Variants in ASIC2 observed in about 807,000 individuals in gnomAD.
ASIC2 encodes the protein acid-sensing ion channel 2.
In ASIC2, 25 loss-of-function variants were observed where a neutral mutation model predicts 57.3. That is an observed-to-expected ratio of 0.44 (90% CI 0.32 to 0.61). The LOEUF is 0.61. Ranked by LOEUF, ASIC2 falls within the 20% of genes least tolerant of loss-of-function variation. The pLI, the probability that ASIC2 is intolerant of heterozygous loss-of-function variation, is 0.06. For synonymous variants in ASIC2, 319 were observed against 307.5 expected (o/e 1.04, Z -0.39); for missense variants, 641 against 738.1 (o/e 0.87, Z 1.52).
intron 1 of ASIC2, among the ~76,000 whole-genome samples, chr17:33,161,857 GTTTTTTTT>G (rs199823485): frequency 4.2e-5 from 4 of 94,226 alleles, no homozygotes; most frequent in Non-Finnish European, 6.2e-5. Flanking sequence ...GAATTCCTAG[GTTTTTTTT>G]TTTTTTTTTT....
At chr17:33,455,169 G>A (rs1912405273) in intron 1 of ASIC2, among the ~76,000 whole-genome samples, 2 of 152,084 alleles carry the variant, frequency 1.3e-5, no homozygotes. Context: ...TTATAATTGT[G>A]TAATTTATTA....
At chr17:33,044,647 C>T (rs2091944730) in intron 3 of ASIC2, among the ~76,000 whole-genome samples, 1 of 152,200 alleles carries the variant, frequency 6.6e-6, no homozygotes, top group Admixed American at 6.5e-5. Flanking sequence ...AGGCATGAGC[C>T]ACCACGCCTG....
At chr17:33,668,818 G>A (rs1045992303) in intron 1 of ASIC2, among the ~76,000 whole-genome samples, 7 of 152,186 alleles carry the variant, frequency 4.6e-5, no homozygotes, top group African/African-American at 9.6e-5. Context: ...AGTGTTCATC[G>A]TTACTGCCTC....
At chr17:33,383,972 G>A (rs1567843443) in intron 1 of ASIC2, among the ~76,000 whole-genome samples, 1 of 152,218 alleles carries the variant, frequency 6.6e-6, no homozygotes, top group Non-Finnish European at 1.5e-5. Context: ...AGAGAGTGGT[G>A]TGGCTGTTAG....
At chr17:33,252,677 G>C (rs150569847) in intron 1 of ASIC2, among the ~76,000 whole-genome samples, 2 of 151,960 alleles carry the variant, frequency 1.3e-5, no homozygotes, top group Non-Finnish European at 2.9e-5. Flanking sequence ...ACCTGATCTC[G>C]TGTGTCCCTT....
intron 1 of ASIC2, among the ~76,000 whole-genome samples, chr17:33,985,071 G>C (rs1905768778): frequency 6.6e-6 from 1 of 152,184 alleles, no homozygotes; most frequent in Admixed American, 6.5e-5. Context: ...ATTACTCCAA[G>C]AGGCCCAGGC....
At chr17:33,541,305 G>T (rs1332732525) in intron 1 of ASIC2, 1 of 152,098 alleles carries the variant, frequency 6.6e-6, no homozygotes. Context: ...AGAAAAGCAG[G>T]ATTTTGTAGC....
intron 1 of ASIC2, among the ~76,000 whole-genome samples, chr17:33,169,052 A>AGGG (rs1905408420): frequency 6.6e-6 from 1 of 152,202 alleles, no homozygotes; most frequent in Admixed American, 6.5e-5. Context: ...GGGATGGGCC[A>AGGG]GGGGCGCTGT....
At chr17:33,878,333 C>T (rs1914606807) in intron 1 of ASIC2, among the ~76,000 whole-genome samples, 2 of 152,054 alleles carry the variant, frequency 1.3e-5, no homozygotes, top group African/African-American at 2.4e-5. Flanking sequence ...AAGTTCGAAC[C>T]CATAGCAAAC....
intron 1 of ASIC2, among the ~76,000 whole-genome samples, chr17:33,691,827 G>C (rs1858374209): frequency 6.6e-6 from 1 of 152,110 alleles, no homozygotes; most frequent in African/African-American, 2.4e-5. Flanking sequence ...GCATGCATGT[G>C]TGTGTGTGTG....
At chr17:33,727,127 G>T (rs534836796) in intron 1 of ASIC2, among the ~76,000 whole-genome samples, 1 of 152,126 alleles carries the variant, frequency 6.6e-6, no homozygotes, top group East Asian at 1.9e-4. Flanking sequence ...CTCCTAAATG[G>T]AACTCTACTC....
At chr17:33,774,248 G>A (rs1163882287) in intron 1 of ASIC2, among the ~76,000 whole-genome samples, 2 of 152,092 alleles carry the variant, frequency 1.3e-5, no homozygotes, top group African/African-American at 4.8e-5. Context: ...TATTCAAAAT[G>A]ATGGGTCAAG....
intron 1 of ASIC2, among the ~76,000 whole-genome samples, chr17:33,830,496 T>A (rs1913068787): frequency 6.6e-6 from 1 of 152,074 alleles, no homozygotes; most frequent in Non-Finnish European, 1.5e-5. Context: ...TCTAGTACTA[T>A]TATATTTTCT....
intron 1 of ASIC2, among the ~76,000 whole-genome samples, chr17:33,789,127 C>A (rs1911692332): frequency 6.6e-6 from 1 of 152,172 alleles, no homozygotes; most frequent in Non-Finnish European, 1.5e-5. Context: ...TGATTATAAC[C>A]TTTCTGAGGC....
At chr17:33,439,016 G>C (rs1191276483) in intron 1 of ASIC2, among the ~76,000 whole-genome samples, 2 of 152,098 alleles carry the variant, frequency 1.3e-5, no homozygotes, top group African/African-American at 4.8e-5. Flanking sequence ...GCTAATTTTT[G>C]TATTTTTAGT....
At chr17:33,617,252 G>C (rs955726492) in intron 1 of ASIC2, among the ~76,000 whole-genome samples, 1 of 152,132 alleles carries the variant, frequency 6.6e-6, no homozygotes, top group Non-Finnish European at 1.5e-5. Flanking sequence ...CAAAGACATG[G>C]AATCAACCTA....
chr17:33,759,417 G>C (rs1013928314), intron 1 of ASIC2, among the ~76,000 whole-genome samples: 1 of 152,296 alleles, frequency 6.6e-6, no homozygotes, highest in East Asian at 1.9e-4. Flanking sequence ...TTGGAAAAAC[G>C]TACAGCCTGG....
At chr17:33,747,616 TC>T (rs1910307323) in intron 1 of ASIC2, among the ~76,000 whole-genome samples, 1 of 152,186 alleles carries the variant, frequency 6.6e-6, no homozygotes, top group Admixed American at 6.5e-5. Flanking sequence ...TACTCTTGCT[TC>T]CCACTGCTGC....
At chr17:33,431,207 T>C (rs1385260395) in intron 1 of ASIC2, among the ~76,000 whole-genome samples, 2 of 152,184 alleles carry the variant, frequency 1.3e-5, no homozygotes, top group African/African-American at 2.4e-5. Context: ...CCAGACCCTA[T>C]AAATGTTTAA....
Sources: allele counts gnomAD v4.1 joint callset (sites outside exome capture counted in the v4.1 genomes callset), GRCh38; gene constraint gnomAD v4.1.1; transcripts MANE v1.5; gene names NCBI Gene and HGNC (gene_info 2026-07-23, HGNC 2026-07-21).